Variants in ADAMTS17 observed in about 807,000 individuals in gnomAD.
ADAMTS17 encodes the protein ADAM metallopeptidase with thrombospondin type 1 motif 17.
A neutral mutation model predicts 141.5 loss-of-function variants in ADAMTS17; 113 were observed. That is an observed-to-expected ratio of 0.80 (90% CI 0.69 to 0.93). ADAMTS17 has a LOEUF of 0.93. Among genes scored for constraint, ADAMTS17 ranks in the 40% least tolerant of loss-of-function variants. The pLI is 0.00. For missense variants in ADAMTS17, 1,659 were observed against 1,517.9 expected (o/e 1.09, Z -1.54); for synonymous variants, 768 against 630.6 (o/e 1.22, Z -3.27).
chr15:100,044,220 T>C (rs2031499623), intron 18 of ADAMTS17, among the ~76,000 whole-genome samples: 2 of 152,156 alleles, frequency 1.3e-5, no homozygotes, highest in Non-Finnish European at 2.9e-5. Context: ...ACCTGGGAAA[T>C]TTTTGATCAC....
At chr15:100,097,840 A>G (rs955647417) in intron 14 of ADAMTS17, among the ~76,000 whole-genome samples, 29 of 152,232 alleles carry the variant, frequency 1.9e-4, no homozygotes, top group African/African-American at 7.0e-4. Context: ...AATGCTCTTC[A>G]TATTTAGTAA....
At chr15:100,179,927 T>A (rs1268864833) in intron 8 of ADAMTS17, among the ~76,000 whole-genome samples, 1 of 152,228 alleles carries the variant, frequency 6.6e-6, no homozygotes, top group Non-Finnish European at 1.5e-5. Context: ...TGGTTATTAA[T>A]CTCTTGTCAG....
chr15:100,273,567 G>C (rs2142043285), intron 4 of ADAMTS17, among the ~76,000 whole-genome samples: 1 of 152,222 alleles, frequency 6.6e-6, no homozygotes, highest in East Asian at 1.9e-4. Flanking sequence ...TGTGTTATTA[G>C]TAATTTGAGG....
rs111287648 is a variant in ADAMTS17, at chr15:100,018,618, T to C, written c.2592-21029A>G. On this transcript the variant is annotated intron_variant, in intron 18 of 21. Coordinates refer to ENST00000268070, the MANE Select transcript of ADAMTS17 (RefSeq NM_139057.4). ...CCTTCTGCCATGAGTGTAAGTTTCC[T>C]GAGGCCTCTCCAGCTGTGCTTCCTG... Among the ~76,000 whole-genome samples the C allele has an allele frequency of 1.2e-3, 183 of 152,350 alleles. 3 individuals carry two copies. The highest frequency in any genetic ancestry group is 4.1e-3 in the African/African-American group (169 of 41,574).
intron 15 of ADAMTS17, among the ~76,000 whole-genome samples, chr15:100,054,932 T>G (rs967570388): frequency 6.6e-6 from 1 of 152,162 alleles, no homozygotes; most frequent in Non-Finnish European, 1.5e-5. Context: ...CACTTCGGGG[T>G]GAAGATCATG....
At chr15:100,150,966 C>T (rs952441250) in intron 10 of ADAMTS17, among the ~76,000 whole-genome samples, 2 of 152,266 alleles carry the variant, frequency 1.3e-5, no homozygotes, top group African/African-American at 4.8e-5. Flanking sequence ...AGGAGGCAGA[C>T]AGAATGCCTC....
chr15:100,057,005 G>A (rs185341600), intron 15 of ADAMTS17, among the ~76,000 whole-genome samples: 25 of 152,198 alleles, frequency 1.6e-4, no homozygotes, highest in Admixed American at 5.9e-4. Context: ...TGTAAGACAG[G>A]GAGAGGAGAC....
intron 11 of ADAMTS17, 22 bp from the exon 12 acceptor site, chr15:100,132,174 C>T (rs763074042): frequency 1.7e-5 from 27 of 1,610,568 alleles, no homozygotes; most frequent in African/African-American, 5.3e-5. Context: ...CGGGGAGGGT[C>T]GGGGCCCAGG....
rs187093633 is a variant in ADAMTS17, at chr15:100,100,165, C to T, written c.2017-3689G>A. Among the ~76,000 whole-genome samples, 5 of 152,210 alleles carry T rather than the reference C, an allele frequency of 3.3e-5. No homozygotes were observed. The East Asian group carries it at 9.7e-4, about 29-fold the overall frequency. ...ATGGAGGGAGACGCCAGTGCGGAAA[C>T]AAGCAGACACCCCAGAGTGTGTGCT... On this transcript the variant is annotated intron_variant, in intron 14 of 21. Coordinates refer to ENST00000268070, the MANE Select transcript of ADAMTS17 (RefSeq NM_139057.4).
At chr15:100,089,525 A>G (rs929957737) in intron 15 of ADAMTS17, among the ~76,000 whole-genome samples, 43 of 151,564 alleles carry the variant, frequency 2.8e-4, no homozygotes, top group South Asian at 1.7e-3. Context: ...ATAAAGACAC[A>G]TGCACACATA....
chr15:100,177,999 GA>G (rs1382951828), intron 8 of ADAMTS17, among the ~76,000 whole-genome samples: 1 of 151,878 alleles, frequency 6.6e-6, no homozygotes, highest in Non-Finnish European at 1.5e-5. Flanking sequence ...TTCCCACAAT[GA>G]ATGTTTTCAT....
intron 7 of ADAMTS17, among the ~76,000 whole-genome samples, chr15:100,208,136 C>G (rs147848016): frequency 1.1e-4 from 16 of 152,146 alleles, no homozygotes; most frequent in Non-Finnish European, 2.1e-4. Flanking sequence ...ACAGTAGGCT[C>G]TTCCAGGTCT....
chr15:100,069,259 A>C (rs548979682), intron 15 of ADAMTS17, among the ~76,000 whole-genome samples: 2 of 152,346 alleles, frequency 1.3e-5, no homozygotes, highest in African/African-American at 4.8e-5. Context: ...GACCAAATCT[A>C]CTTCTGATTG....
At chr15:100,333,806 T>C (rs968008749) in intron 2 of ADAMTS17, among the ~76,000 whole-genome samples, 4 of 152,336 alleles carry the variant, frequency 2.6e-5, no homozygotes, top group African/African-American at 7.2e-5. Context: ...ACACTAGCTA[T>C]GAGCCTGTGC....
At chr15:100,185,924 G>A (rs79398467) in intron 8 of ADAMTS17, among the ~76,000 whole-genome samples, 1,943 of 152,200 alleles carry the variant, frequency 0.013, 45 homozygotes, top group African/African-American at 0.044. Flanking sequence ...CTTCATTTCC[G>A]AAGATGAGGC....
chr15:100,131,686 G>A (rs1192735557), intron 12 of ADAMTS17, among the ~76,000 whole-genome samples: 1 of 152,190 alleles, frequency 6.6e-6, no homozygotes, highest in Non-Finnish European at 1.5e-5. Flanking sequence ...GAATGACCCT[G>A]GACTTGCTAA....
At chr15:100,086,010 T>G (rs1259139371) in intron 15 of ADAMTS17, among the ~76,000 whole-genome samples, 4 of 150,790 alleles carry the variant, frequency 2.7e-5, no homozygotes, top group Non-Finnish European at 5.9e-5. Context: ...TAACCTTAAA[T>G]GTAAATGGGC....
intron 4 of ADAMTS17, among the ~76,000 whole-genome samples, chr15:100,268,167 T>C (rs117670511): frequency 0.063 from 9,604 of 152,280 alleles, 353 homozygotes; most frequent in Non-Finnish European, 0.085. Flanking sequence ...CTATGGTGTA[T>C]ATGTACCACA....
Position 100,341,317 on chromosome 15 carries a change from CG to C in ADAMTS17, c.171del (p.Arg60AspfsTer103). 3 of 1,038,280 alleles carry C rather than the reference CG, an allele frequency of 2.9e-6. No individual in the cohort carries two copies. Among genetic ancestry groups the C allele is most frequent in the East Asian group, 1.7e-4 (2 of 11,684 alleles). 64.3% of individuals were successfully genotyped at this position (1,038,280 alleles called of 1,614,324 possible). A position where few individuals can be genotyped will look rare whatever the true frequency, so the allele number is the denominator to read the frequency against. The stretch of plus-strand genomic sequence containing the variant: ...CGGGGGCGTCGCCGCCGTCGGGGCC[CG>C]GGGGCTGCGGGCAGCGGCGGCAGGT... ...DVHLPPLPAA[P>X]GPRRRRRPRT... On this transcript the variant is annotated frameshift_variant, in exon 2 of 22. Coordinates refer to ENST00000268070, the MANE Select transcript of ADAMTS17 (RefSeq NM_139057.4). LOFTEE classifies it high-confidence loss of function.
Sources: gnomAD v4.1 joint callset for allele counts (sites outside exome capture counted in the v4.1 genomes callset) on GRCh38, gnomAD v4.1.1 for gene constraint, MANE v1.5 for transcripts, NCBI Gene and HGNC (gene_info 2026-07-23, HGNC 2026-07-21) for gene names.